The following PAX7 variants were observed in gnomAD, a reference collection of about 807,000 sequenced individuals.
PAX7 encodes the protein paired box protein Pax-7.
Under a neutral mutation model 50.7 loss-of-function variants are expected in PAX7, and 18 were observed. The observed-to-expected ratio is 0.36, with a 90% CI of 0.25 to 0.53. The LOEUF is 0.53. PAX7 is among the 20% of genes least tolerant of loss of function. The probability of loss-of-function intolerance (pLI) is 0.93; values close to 1 mark genes in which losing one functional copy is unlikely to be tolerated. For synonymous variants in PAX7, 310 were observed against 290.4 expected (o/e 1.07, Z -0.69); for missense variants, 644 against 702.9 (o/e 0.92, Z 0.95).
At chr1:18,691,988 A>G in intron 5 of PAX7, 35 bp downstream of exon 5, 1 of 1,587,970 alleles carries the variant, frequency 6.3e-7, no homozygotes, top group Non-Finnish European at 8.6e-7. Flanking sequence ...TGCTGCAGAT[A>G]TACTCCAGAG....
chr1:18,709,088 T>C (rs1209635859), intron 7 of PAX7, among the ~76,000 whole-genome samples: 2 of 152,242 alleles, frequency 1.3e-5, no homozygotes, highest in East Asian at 3.9e-4. Flanking sequence ...GAGGTGTGGT[T>C]AGCTGGAACT....
chr1:18,722,129 C>G (rs192185452), intron 7 of PAX7, among the ~76,000 whole-genome samples: 2 of 152,148 alleles, frequency 1.3e-5, no homozygotes, highest in African/African-American at 4.8e-5. Flanking sequence ...GAGATGGAGA[C>G]AGCATTACAG....
At chr1:18,685,536 A>G (rs2088961957) in intron 4 of PAX7, among the ~76,000 whole-genome samples, 1 of 152,204 alleles carries the variant, frequency 6.6e-6, no homozygotes, top group African/African-American at 2.4e-5. Flanking sequence ...GGGCCCAGGA[A>G]GCCTTGCTGG....
In PAX7 at chr1:18,644,730, CA is replaced by C. The variant is rs553371206; in HGVS notation, c.586+8363del. Among the ~76,000 whole-genome samples the C allele has an allele frequency of 1.0e-3, 156 of 152,158 alleles. 1 individual carries two copies. The highest frequency in any genetic ancestry group is 3.7e-3 in the African/African-American group (154 of 41,514). On this transcript the variant is annotated intron_variant, in intron 4 of 8. Transcript: ENST00000420770. The stretch of plus-strand genomic sequence containing the variant: ...GGTCCTTGCTGCTTCCTCCCCTCTC[CA>C]AAACAGAGCGGAGAGCTTCTCCTCC...
At chr1:18,656,605 G>A (rs1362078817) in intron 4 of PAX7, among the ~76,000 whole-genome samples, 2 of 152,200 alleles carry the variant, frequency 1.3e-5, no homozygotes, top group African/African-American at 4.8e-5. Context: ...TTGAATTTCA[G>A]CTTCCTGGTA....
rs377172889 is a variant in PAX7, at chr1:18,638,525, G to A, written c.586+2154G>A. Among the ~76,000 whole-genome samples the A allele has an allele frequency of 1.5e-3, 228 of 152,354 alleles. 1 individual carries two copies. Among genetic ancestry groups the A allele is most frequent in the South Asian group, 1.0e-2 (48 of 4,824 alleles). On this transcript the variant is annotated intron_variant, in intron 4 of 8. Transcript: ENST00000420770. ...TCTTATGCAGTGAGCCTGGTCTCCA[G>A]AAAGTCCCGCAGTTTTTGCGTGACA...
At position 18,691,771 on chromosome 1, in the gene PAX7, G is replaced by C; in HGVS notation, c.604G>C (p.Gly202Arg). The C allele has an allele frequency of 6.3e-7, 1 of 1,586,476 alleles. No homozygotes were observed. Among genetic ancestry groups the C allele is most frequent in the Non-Finnish European group, 8.6e-7 (1 of 1,166,946 alleles). Residue 202 changes from glycine (G) to arginine (R), a missense_variant, in exon 5 of 9, where the codon GGC (glycine) becomes CGC (arginine). Physicochemically the swap from Gly to Arg is moderately radical, Grantham distance 125. Transcript: ENST00000420770. ...LGDKGNRLDEGSDVESEPDLP... is the reference protein window; with the variant it reads ...LGDKGNRLDERSDVESEPDLP... Reference sequence around the variant, plus strand: ...GGCTGTAGGGAACCGGCTGGACGAGGGCTCGGATGTGGAGTCGGAACCTGA... The same window carrying C: ...GGCTGTAGGGAACCGGCTGGACGAGCGCTCGGATGTGGAGTCGGAACCTGA...
chr1:18,670,075 T>G (rs888638885), intron 4 of PAX7, among the ~76,000 whole-genome samples: 4 of 91,892 alleles, frequency 4.4e-5, no homozygotes, highest in Non-Finnish European at 7.6e-5. Context: ...AGAGTGAGAC[T>G]CCATCTCAAA....
chr1:18,734,783 C>T (rs1020394774), intron 7 of PAX7, among the ~76,000 whole-genome samples: 8 of 152,196 alleles, frequency 5.3e-5, no homozygotes, highest in Non-Finnish European at 1.2e-4. Flanking sequence ...GGCTCTTTCT[C>T]CTCTGAAGTC....
intron 7 of PAX7, among the ~76,000 whole-genome samples, chr1:18,713,582 A>G (rs1055954394): frequency 6.6e-5 from 10 of 152,224 alleles, no homozygotes; most frequent in African/African-American, 2.4e-4. Context: ...TCAAGAAAGA[A>G]ATATGCATGG....
intron 4 of PAX7, among the ~76,000 whole-genome samples, chr1:18,655,953 G>T (rs1393988425): frequency 3.3e-5 from 5 of 152,194 alleles, no homozygotes. Context: ...CAGCTTGGGG[G>T]TTTGCAGCAT....
intron 8 of PAX7, among the ~76,000 whole-genome samples, chr1:18,743,554 T>G (rs779992981): frequency 2.0e-5 from 3 of 152,240 alleles, no homozygotes; most frequent in Non-Finnish European, 4.4e-5. Context: ...CATCTTCCTC[T>G]TGCTTCTGGA....
chr1:18,657,783 C>T (rs1175763177), intron 4 of PAX7, among the ~76,000 whole-genome samples: 4 of 152,106 alleles, frequency 2.6e-5, no homozygotes, highest in Admixed American at 2.6e-4. Flanking sequence ...TCCCCTTCCC[C>T]TTCTTATTGA....
intron 4 of PAX7, among the ~76,000 whole-genome samples, chr1:18,647,263 G>C (rs1290475257): frequency 1.3e-5 from 2 of 152,184 alleles, no homozygotes; most frequent in African/African-American, 2.4e-5. Flanking sequence ...GCTTACTTGG[G>C]ACGGGGTGGT....
intron 4 of PAX7, among the ~76,000 whole-genome samples, chr1:18,659,563 G>T (rs1225813512): frequency 6.6e-6 from 1 of 152,150 alleles, no homozygotes; most frequent in African/African-American, 2.4e-5. Context: ...GGCCAGGGAG[G>T]TCATTTGTAC....
intron 7 of PAX7, among the ~76,000 whole-genome samples, chr1:18,714,061 A>C (rs890254792): frequency 9.2e-5 from 14 of 152,020 alleles, no homozygotes; most frequent in African/African-American, 3.4e-4. Context: ...AAATACAAAA[A>C]TTAGCCGGGC....
At position 18,735,856 on chromosome 1, in the gene PAX7, TCAGTACGGC is replaced by T. The variant is rs770352181; in HGVS notation, c.1393_1401del (p.Tyr465_Gln467del). ...ACAGCGTGGACCCCGTGGCCGGCTA[TCAGTACGGC>T]CAGTACGGCCAGAGTGAGTGCCTGG... On this transcript the variant is annotated inframe_deletion, in exon 8 of 9. Transcript: ENST00000420770. This position sits in a 1 kb window ranked among gnomAD's most constrained non-coding sequence, Gnocchi z 4.0. 4.1e-5 allele frequency: 66 copies of T among 1,614,102 alleles called. 1 individual carries two copies. In the South Asian group the frequency reaches 5.4e-4, roughly 13 times the overall value.
rs1357740153 is a variant in PAX7, at chr1:18,700,920, C to T, written c.952+102C>T. On this transcript the variant is annotated intron_variant, in intron 6 of 8. Transcript: ENST00000420770. The surrounding 1 kb of genome is among the most constrained non-coding windows in gnomAD (Gnocchi z 4.8). ...TTCTTTTTTTTATGACCATTTCTTACTTTCATGTAAGCAGGCTATTGAGAG... is the reference window on the plus strand; with the variant it reads ...TTCTTTTTTTTATGACCATTTCTTATTTTCATGTAAGCAGGCTATTGAGAG... The T allele has an allele frequency of 2.6e-6, 3 of 1,147,854 alleles. No homozygotes were observed. The highest frequency in any genetic ancestry group is 3.3e-5 in the African/African-American group (2 of 61,208). The allele number at this position is 1,147,854 out of a possible 1,614,324, so 71.1% of individuals were successfully genotyped here. A position where few individuals can be genotyped will look rare whatever the true frequency, so the allele number is the denominator to read the frequency against.
At chr1:18,703,041 C>T in intron 6 of PAX7, 53 bp from the exon 7 acceptor site, 1 of 1,531,226 alleles carries the variant, frequency 6.5e-7, no homozygotes, top group South Asian at 1.1e-5. Context: ...CTCAGAGGCC[C>T]AGCGTCCAGG....
Sources: allele counts gnomAD v4.1 joint callset (sites outside exome capture counted in the v4.1 genomes callset), GRCh38; gene constraint gnomAD v4.1.1; non-coding constraint Gnocchi (gnomAD v3.1); transcripts MANE v1.5; gene names NCBI Gene and HGNC (gene_info 2026-07-23, HGNC 2026-07-21).